Variants in UTRN observed in about 807,000 individuals in gnomAD.
The protein encoded by UTRN is utrophin.
In UTRN, 283 loss-of-function variants were observed where a neutral mutation model predicts 463.9. The observed-to-expected ratio is 0.61, with a 90% CI of 0.55 to 0.67. The LOEUF (loss-of-function observed/expected upper bound fraction) is 0.67. Among genes scored for constraint, UTRN ranks in the 30% least tolerant of loss-of-function variants. The pLI is 0.00. For synonymous variants in UTRN, 1,442 were observed against 1,431.5 expected (o/e 1.01, Z -0.17); for missense variants, 3,922 against 4,084.3 (o/e 0.96, Z 1.08).
chr6:144,532,520 T>C (rs1456202565), intron 42 of UTRN, among the ~76,000 whole-genome samples: 1 of 152,214 alleles, frequency 6.6e-6, no homozygotes, highest in Non-Finnish European at 1.5e-5. Flanking sequence ...ACCACCCCTG[T>C]GATTCAGTTA....
chr6:144,330,861 A>G lies in UTRN; in HGVS notation c.79+38954A>G, dbSNP rs1382089866. On this transcript the variant is annotated intron_variant, in intron 2 of 74. Transcript: ENST00000367545. ...TTTTTCAATTTGACTCCATCAAAGC[A>G]CATTCTCCAGCCGAGGGGTACACAT... is the stretch of plus-strand genomic sequence containing the variant. 5 of 985,344 alleles carry G rather than the reference A, an allele frequency of 5.1e-6. No homozygotes were observed. In the East Asian group the frequency reaches 3.4e-4, roughly 67 times the overall value. The allele number at this position is 985,344 out of a possible 1,614,324, so 61.0% of individuals were successfully genotyped here. A position where few individuals can be genotyped will look rare whatever the true frequency, so the allele number is the denominator to read the frequency against.
At chr6:144,467,473 G>A (rs777884666) in intron 23 of UTRN, among the ~76,000 whole-genome samples, 2 of 152,162 alleles carry the variant, frequency 1.3e-5, no homozygotes, top group African/African-American at 2.4e-5. Flanking sequence ...TGATGTGTCC[G>A]GCCTCTCTAG....
At chr6:144,656,465 G>A (rs184968385) in intron 51 of UTRN, among the ~76,000 whole-genome samples, 7 of 152,250 alleles carry the variant, frequency 4.6e-5, no homozygotes, top group Admixed American at 2.6e-4. Context: ...CAGCTGGAGC[G>A]CAGTGGCACG....
Position 144,522,794 on chromosome 6 carries a change from CT to C in UTRN, c.5734-215del, listed in dbSNP as rs374238129. Among the ~76,000 whole-genome samples the C allele has an allele frequency of 2.0e-4, 30 of 151,936 alleles. No individual in the cohort carries two copies. In the East Asian group the frequency reaches 2.1e-3, roughly 11 times the overall value. ...TGTACAAATGCTACTATTGTGAGGACTTTTTTTCCTGCCTTGAGTATATTAT... is the reference window on the plus strand; with the variant it reads ...TGTACAAATGCTACTATTGTGAGGACTTTTTTCCTGCCTTGAGTATATTAT... On this transcript the variant is annotated intron_variant, in intron 40 of 74. Coordinates refer to ENST00000367545, the MANE Select transcript of UTRN (RefSeq NM_007124.3).
At chr6:144,648,495 A>G (rs1778497914) in intron 51 of UTRN, among the ~76,000 whole-genome samples, 1 of 152,236 alleles carries the variant, frequency 6.6e-6, no homozygotes, top group East Asian at 1.9e-4. Context: ...CTCATTTCAC[A>G]AGAGGGCAGC....
intron 45 of UTRN, among the ~76,000 whole-genome samples, chr6:144,539,866 A>G (rs1334683793): frequency 6.6e-6 from 1 of 151,932 alleles, no homozygotes; most frequent in African/African-American, 2.4e-5. Flanking sequence ...AACACAGTGA[A>G]ACCCCATCTC....
chr6:144,701,442 A>G (rs1235955692), intron 53 of UTRN, among the ~76,000 whole-genome samples: 1 of 152,090 alleles, frequency 6.6e-6, no homozygotes, highest in Non-Finnish European at 1.5e-5. Context: ...TTCTGTTCCT[A>G]TGCAAATGTA....
At chr6:144,669,929 T>C (rs1160974720) in intron 51 of UTRN, among the ~76,000 whole-genome samples, 6 of 152,040 alleles carry the variant, frequency 3.9e-5, no homozygotes, top group East Asian at 1.9e-4. Flanking sequence ...TTCCTTTTTA[T>C]GCCTGAGTAG....
At chr6:144,716,977 C>T (rs1459338227) in intron 53 of UTRN, among the ~76,000 whole-genome samples, 1 of 152,102 alleles carries the variant, frequency 6.6e-6, no homozygotes, top group African/African-American at 2.4e-5. Context: ...GTGTTCGTAG[C>T]TTTTCTGGAT....
chr6:144,652,861 A>G (rs1166154317), intron 51 of UTRN, among the ~76,000 whole-genome samples: 1 of 152,204 alleles, frequency 6.6e-6, no homozygotes, highest in Admixed American at 6.5e-5. Flanking sequence ...GTAGTGTTAG[A>G]CCATCTGGCA....
At chr6:144,325,184 C>T (rs1775903059) in intron 2 of UTRN, among the ~76,000 whole-genome samples, 2 of 152,078 alleles carry the variant, frequency 1.3e-5, no homozygotes, top group African/African-American at 4.8e-5. Flanking sequence ...TGAAGTGTCC[C>T]CCGAATTTCA....
chr6:144,701,090 A>G, intron 53 of UTRN, among the ~76,000 whole-genome samples: 1 of 152,078 alleles, frequency 6.6e-6, no homozygotes, highest in Admixed American at 6.6e-5. Flanking sequence ...TATTTTTACT[A>G]GAGACGGGAT....
intron 51 of UTRN, among the ~76,000 whole-genome samples, chr6:144,645,100 C>T (rs1778157009): frequency 1.3e-5 from 2 of 152,164 alleles, no homozygotes; most frequent in African/African-American, 4.8e-5. Context: ...ATTGCAATTT[C>T]TTGCTATTCT....
intron 35 of UTRN, among the ~76,000 whole-genome samples, chr6:144,512,749 C>A (rs758354835): frequency 1.3e-5 from 2 of 151,930 alleles, no homozygotes; most frequent in Non-Finnish European, 2.9e-5. Flanking sequence ...CCATGTTGTC[C>A]AGGCTGGTCT....
chr6:144,522,104 C>A lies in UTRN; in HGVS notation c.5666C>A (p.Ser1889Ter), dbSNP rs144099534. The A allele has an allele frequency of 5.0e-6, 8 of 1,584,958 alleles. No homozygotes were observed. The highest frequency in any genetic ancestry group is 6.9e-6 in the Non-Finnish European group (8 of 1,167,366). ...ILLCMDDVEL[S>*]LNVPELNTAI... ...CTTTGCATGGATGATGTTGAATTAT[C>A]GCTTAATGTTCCAGAGCTCAACACT... The change falls in exon 40 of 75, where the codon TCG becomes TAG. Residue 1889 changes from serine to a stop codon, truncating the protein, a stop_gained. Coordinates refer to ENST00000367545, the MANE Select transcript of UTRN (RefSeq NM_007124.3). LOFTEE classifies it high-confidence loss of function.
chr6:144,824,007 A>G (rs1779816086), intron 66 of UTRN, among the ~76,000 whole-genome samples: 1 of 152,156 alleles, frequency 6.6e-6, no homozygotes, highest in Admixed American at 6.6e-5. Flanking sequence ...TGAGACCTGA[A>G]AGATTAATAG....
In UTRN at chr6:144,346,152, T is replaced by G. The variant is rs555578022; in HGVS notation, c.79+54245T>G. ...AAGATCACACCATTGCACTCCAGCCTGGGTGAAAGAGCAAAACTCTGTCTC... is the reference window on the plus strand; with the variant it reads ...AAGATCACACCATTGCACTCCAGCCGGGGTGAAAGAGCAAAACTCTGTCTC... On this transcript the variant is annotated intron_variant, in intron 2 of 74. Coordinates refer to ENST00000367545, the MANE Select transcript of UTRN (RefSeq NM_007124.3). Among the ~76,000 whole-genome samples the G allele has an allele frequency of 2.0e-5, 3 of 148,106 alleles. No homozygotes were observed. The South Asian group carries it at 6.4e-4, about 32-fold the overall frequency.
At chr6:144,517,729 C>G (rs1053614354) in intron 39 of UTRN, among the ~76,000 whole-genome samples, 1 of 152,134 alleles carries the variant, frequency 6.6e-6, no homozygotes, top group Middle Eastern at 3.2e-3. Flanking sequence ...GTATTCAGTA[C>G]AATAACGTGC....
intron 43 of UTRN, among the ~76,000 whole-genome samples, chr6:144,534,430 A>C (rs957553521): frequency 5.9e-5 from 9 of 152,228 alleles, no homozygotes; most frequent in Non-Finnish European, 1.2e-4. Context: ...ACGAACTTGG[A>C]AAGAGCACAG....
Sources: allele counts gnomAD v4.1 joint callset (sites outside exome capture counted in the v4.1 genomes callset), GRCh38; gene constraint gnomAD v4.1.1; transcripts MANE v1.5; gene names NCBI Gene and HGNC (gene_info 2026-07-23, HGNC 2026-07-21).